The following EYA2 variants were observed in gnomAD, a reference collection of about 807,000 sequenced individuals.
The protein encoded by EYA2 is protein phosphatase EYA2.
Under a neutral mutation model 69.2 loss-of-function variants are expected in EYA2, and 31 were observed. The observed-to-expected ratio is 0.45, with a 90% CI of 0.34 to 0.60. The LOEUF (loss-of-function observed/expected upper bound fraction) is 0.60. EYA2 is among the 20% of genes least tolerant of loss of function. The probability of loss-of-function intolerance (pLI) is 0.02; values close to 1 mark genes in which losing one functional copy is unlikely to be tolerated. For synonymous variants in EYA2, 257 were observed against 279.4 expected (o/e 0.92, Z 0.80); for missense variants, 622 against 701.2 (o/e 0.89, Z 1.28).
intron 9 of EYA2, among the ~76,000 whole-genome samples, chr20:47,118,535 G>C (rs116396481): frequency 6.6e-6 from 1 of 152,114 alleles, no homozygotes; most frequent in Non-Finnish European, 1.5e-5. Flanking sequence ...GGTACCCTTT[G>C]TTGGCTTAAT....
chr20:47,001,441 G>A lies in EYA2; in HGVS notation c.123G>A (p.Ser41=), dbSNP rs1218569361. 28 of 1,613,888 alleles carry A rather than the reference G, an allele frequency of 1.7e-5. No individual in the cohort carries two copies. The highest frequency in any genetic ancestry group is 2.2e-5 in the East Asian group (1 of 44,876). Residue 41 remains serine (S), a synonymous_variant, in exon 3 of 16, where the codon TCG becomes TCA. Transcript: ENST00000327619. ...TTTCTCCTGCAGGCATCACCAAATCGGCCCCCCTGAGAGTGTCCCAGCTCT... is the reference window on the plus strand; with the variant it reads ...TTTCTCCTGCAGGCATCACCAAATCAGCCCCCCTGAGAGTGTCCCAGCTCT... ...TLSDRQGITK[S]APLRVSQLFS...
At chr20:47,080,371 C>A (rs1041659246) in intron 7 of EYA2, among the ~76,000 whole-genome samples, 3 of 147,512 alleles carry the variant, frequency 2.0e-5, no homozygotes, top group African/African-American at 7.5e-5. Flanking sequence ...GCACGAAATA[C>A]CTGAATTAGA....
intron 1 of EYA2, among the ~76,000 whole-genome samples, chr20:46,935,432 C>T (rs1227307874): frequency 3.9e-5 from 6 of 152,178 alleles, no homozygotes; most frequent in Non-Finnish European, 8.8e-5. Flanking sequence ...TAGTGTTTGG[C>T]GCCTAAGAAG....
chr20:46,958,910 A>G (rs957302110), intron 1 of EYA2, among the ~76,000 whole-genome samples: 5 of 152,202 alleles, frequency 3.3e-5, no homozygotes, highest in African/African-American at 7.2e-5. Flanking sequence ...TCCATGGTGG[A>G]TACGTACCAC....
At chr20:47,096,542 C>T (rs1371611254) in intron 8 of EYA2, among the ~76,000 whole-genome samples, 1 of 152,174 alleles carries the variant, frequency 6.6e-6, no homozygotes, top group African/African-American at 2.4e-5. Context: ...GAGGGACTCA[C>T]ATATGAGAAA....
At chr20:47,137,955 C>G (rs1320958449) in intron 9 of EYA2, among the ~76,000 whole-genome samples, 2 of 141,520 alleles carry the variant, frequency 1.4e-5, no homozygotes, top group African/African-American at 5.5e-5. Context: ...CACATGGACA[C>G]AGGAAGGGGA....
chr20:47,170,151 A>G (rs1242091429), intron 11 of EYA2, among the ~76,000 whole-genome samples: 1 of 151,136 alleles, frequency 6.6e-6, no homozygotes, highest in African/African-American at 2.4e-5. Context: ...CAAGTGATCT[A>G]CCCACCTCAG....
At chr20:47,112,390 G>A (rs1038859516) in intron 9 of EYA2, among the ~76,000 whole-genome samples, 1 of 152,038 alleles carries the variant, frequency 6.6e-6, no homozygotes, top group African/African-American at 2.4e-5. Context: ...GGTGTGTCAG[G>A]GAAACTGCAG....
intron 1 of EYA2, among the ~76,000 whole-genome samples, chr20:46,911,736 T>G (rs145215313): frequency 2.1e-4 from 32 of 152,222 alleles, no homozygotes; most frequent in Non-Finnish European, 4.6e-4. Context: ...GTGTGGGAAC[T>G]GGAAAACTCG....
At chr20:47,177,000 G>A (rs543123816) in intron 12 of EYA2, among the ~76,000 whole-genome samples, 43 of 152,186 alleles carry the variant, frequency 2.8e-4, no homozygotes, top group African/African-American at 8.9e-4. Context: ...ATTTCACCAC[G>A]TTGGCCAGGC....
intron 9 of EYA2, chr20:47,117,444 T>C: frequency 1.0e-6 from 1 of 985,302 alleles, no homozygotes; most frequent in Non-Finnish European, 1.2e-6. Flanking sequence ...CATGACCTGA[T>C]CTCCACAGCT....
rs1269604205 is a variant in EYA2, at chr20:47,088,257, A to T, written c.662-982A>T. Among the ~76,000 whole-genome samples, 4 of 152,330 alleles carry T rather than the reference A, an allele frequency of 2.6e-5. No homozygotes were observed. In the South Asian group the frequency reaches 6.2e-4, roughly 24 times the overall value. On this transcript the variant is annotated intron_variant, in intron 7 of 15. Coordinates refer to ENST00000327619, the MANE Select transcript of EYA2 (RefSeq NM_005244.5). ...TCAAAAAATAAAAATTAAAATAAAA[A>T]AATAGAGAATAGAGGGAGCCCAGCA...
At chr20:47,156,119 CACACACACATATATATATATATATAT>C (rs1792030529) in intron 10 of EYA2, among the ~76,000 whole-genome samples, 7 of 24,594 alleles carry the variant, frequency 2.8e-4, no homozygotes, top group Admixed American at 1.3e-3. Flanking sequence ...CACACACACA[CACACACACATATATATATATATATAT>C]ATATATATAT....
At chr20:47,006,606 C>A (rs1284793098) in intron 4 of EYA2, among the ~76,000 whole-genome samples, 2 of 152,160 alleles carry the variant, frequency 1.3e-5, no homozygotes, top group African/African-American at 4.8e-5. Flanking sequence ...ATACCTCTGC[C>A]CTGTTTGTTT....
chr20:47,149,688 C>CAAAAAA (rs59780173), intron 10 of EYA2, among the ~76,000 whole-genome samples: 8 of 102,704 alleles, frequency 7.8e-5, no homozygotes, highest in East Asian at 2.7e-4. Context: ...ACTAAAAATA[C>CAAAAAA]AAAAAAAAAA....
rs375370640 is a variant in EYA2 at position 47,089,394 on chromosome 20, G to A, written c.804+13G>A. The A allele has an allele frequency of 6.2e-7, 1 of 1,607,570 alleles. No individual in the cohort carries two copies. The highest frequency in any genetic ancestry group is 2.2e-5 in the East Asian group (1 of 44,756). ...CAATGAGATTGAGGTAATCCAAAGG[G>A]GCTCTGTGTGACCTGGTGAATGTAA... On this transcript the variant is annotated intron_variant, in intron 8 of 15. Transcript: ENST00000327619.
intron 1 of EYA2, among the ~76,000 whole-genome samples, chr20:46,984,870 TCAC>T (rs1981082781): frequency 4.6e-5 from 7 of 152,240 alleles, no homozygotes; most frequent in Admixed American, 3.3e-4. Context: ...ACCTAGCTGT[TCAC>T]CACCAGGGCA....
intron 10 of EYA2, among the ~76,000 whole-genome samples, chr20:47,145,916 A>G (rs1430983185): frequency 6.6e-6 from 1 of 151,820 alleles, no homozygotes; most frequent in Non-Finnish European, 1.5e-5. Flanking sequence ...AAAAAAAAGT[A>G]AAAAAGAAAA....
chr20:46,896,792 A>G (rs1983833202), intron 1 of EYA2, among the ~76,000 whole-genome samples: 1 of 152,222 alleles, frequency 6.6e-6, no homozygotes, highest in Admixed American at 6.5e-5. Context: ...AAAGCAGTTT[A>G]TATGTCCCCA....
Sources: allele counts gnomAD v4.1 joint callset (sites outside exome capture counted in the v4.1 genomes callset), GRCh38; gene constraint gnomAD v4.1.1; transcripts MANE v1.5; gene names NCBI Gene and HGNC (gene_info 2026-07-23, HGNC 2026-07-21).